Variants in POLD3 observed in about 807,000 individuals in gnomAD.
The protein encoded by POLD3 is DNA polymerase delta subunit 3.
In POLD3, 19 loss-of-function variants were observed where a neutral mutation model predicts 58.2. That is an observed-to-expected ratio of 0.33 (90% CI 0.23 to 0.48). The LOEUF (loss-of-function observed/expected upper bound fraction) is 0.48, where lower values mean the gene tolerates loss of function less well. Ranked by LOEUF, POLD3 falls within the 20% of genes least tolerant of loss-of-function variation. The probability of loss-of-function intolerance (pLI) is 0.99; values close to 1 mark genes in which losing one functional copy is unlikely to be tolerated. For missense variants in POLD3, 504 were observed against 545.5 expected (o/e 0.92, Z 0.76); for synonymous variants, 172 against 193.5 (o/e 0.89, Z 0.92).
chr11:74,627,702 T>C (rs1324659822), intron 8 of POLD3, among the ~76,000 whole-genome samples: 3 of 152,176 alleles, frequency 2.0e-5, no homozygotes, highest in Non-Finnish European at 4.4e-5. Context: ...TTTTAGATGT[T>C]TAAATACACA....
In POLD3 at chr11:74,642,749, T is replaced by A; in HGVS notation, c.*1983T>A. ...ACAGTGCTTCAAACTGAGTATCTGA[T>A]GAGTCTCTTATTTGATGGATGGTAA... is the stretch of plus-strand genomic sequence containing the variant. On this transcript the variant is annotated 3_prime_UTR_variant, in exon 12 of 12. Transcript: ENST00000263681. 1 of 984,412 alleles carries A rather than the reference T, an allele frequency of 1.0e-6. No individual in the cohort carries two copies. Among genetic ancestry groups the A allele is most frequent in the Non-Finnish European group, 1.2e-6 (1 of 828,998 alleles). The allele number at this position is 984,412 out of a possible 1,614,324, so 61.0% of individuals were successfully genotyped here.
At chr11:74,646,117 C>T (rs574773092), downstream of POLD3, among the ~76,000 whole-genome samples, 11 of 152,078 alleles carry the variant, frequency 7.2e-5, no homozygotes, top group East Asian at 1.2e-3. Context: ...GGACTACAGG[C>T]GCATGCCACC....
rs554723876 is a variant in POLD3 at position 74,666,570 on chromosome 11, GAGAA to G, written c.370-2203_370-2200del. 4.1e-4 allele frequency among the ~76,000 whole-genome samples: 62 copies of G among 152,188 alleles called. 1 individual carries two copies. In the South Asian group the frequency reaches 6.0e-3, roughly 15 times the overall value. On this transcript the variant is annotated intron_variant, in intron 4 of 4. Coordinates refer to the POLD3 transcript ENST00000524752. ...CAGGAAGTGGAGAGAGAGAGAGAGA[GAGAA>G]AGAGGACCTAAATAAATGGAAACAC... is the stretch of plus-strand genomic sequence containing the variant.
intron 4 of POLD3, among the ~76,000 whole-genome samples, chr11:74,655,867 A>G (rs1172769757): frequency 6.6e-6 from 1 of 152,202 alleles, no homozygotes; most frequent in Non-Finnish European, 1.5e-5. Context: ...AAATGCAATA[A>G]GATGAGAAAA....
intron 9 of POLD3, among the ~76,000 whole-genome samples, chr11:74,629,565 T>G (rs1365210736): frequency 1.3e-5 from 2 of 151,362 alleles, no homozygotes; most frequent in Non-Finnish European, 2.9e-5. Context: ...ACATATTATC[T>G]AAGACTTTTT....
At chr11:74,599,860 C>G (rs781398856) in intron 2 of POLD3, among the ~76,000 whole-genome samples, 1 of 151,942 alleles carries the variant, frequency 6.6e-6, no homozygotes, top group Non-Finnish European at 1.5e-5. Context: ...TGGAACTGAT[C>G]AGGAGGGAAG....
At chr11:74,629,601 TTTTAAGGGGAGGATATTCC>T (rs1290467202) in intron 9 of POLD3, among the ~76,000 whole-genome samples, 2 of 149,148 alleles carry the variant, frequency 1.3e-5, no homozygotes, top group Admixed American at 6.7e-5. Context: ...TTTTTTTTAC[TTTTAAGGGGAGGATATTCC>T]TTTAGCTACC....
intron 3 of POLD3, among the ~76,000 whole-genome samples, chr11:74,607,235 TATTA>T (rs1162249896): frequency 0.013 from 1,224 of 96,738 alleles, 16 homozygotes; most frequent in African/African-American, 0.069. Flanking sequence ...AATTTATTAT[TATTA>T]TTATATATTT....
At chr11:74,624,073 T>C (rs2032352730) in intron 7 of POLD3, among the ~76,000 whole-genome samples, 1 of 152,236 alleles carries the variant, frequency 6.6e-6, no homozygotes, top group East Asian at 1.9e-4. Flanking sequence ...GAGGTTTTTT[T>C]CTCCTAATGA....
intron 4 of POLD3, among the ~76,000 whole-genome samples, chr11:74,658,971 G>A (rs1446459021): frequency 6.6e-6 from 1 of 152,176 alleles, no homozygotes; most frequent in Non-Finnish European, 1.5e-5. Context: ...CCCCAGTAGG[G>A]ATCCTATGTG....
At chr11:74,668,144 G>A (rs1299392618) in intron 4 of POLD3, among the ~76,000 whole-genome samples, 1 of 152,186 alleles carries the variant, frequency 6.6e-6, no homozygotes, top group Admixed American at 6.5e-5. Flanking sequence ...ATAAAATGGT[G>A]CAGGCACTTT....
intron 9 of POLD3, among the ~76,000 whole-genome samples, chr11:74,633,427 T>C (rs776030833): frequency 2.0e-5 from 3 of 152,226 alleles, no homozygotes; most frequent in Non-Finnish European, 4.4e-5. Flanking sequence ...TCTTTCTGGC[T>C]CTTGTTCTGC....
intron 9 of POLD3, among the ~76,000 whole-genome samples, chr11:74,632,800 T>C (rs1216593527): frequency 6.6e-6 from 1 of 151,938 alleles, no homozygotes; most frequent in Non-Finnish European, 1.5e-5. Flanking sequence ...GAGAGATATA[T>C]GTTGTCTTCC....
At chr11:74,596,021 T>G (rs957086417) in intron 2 of POLD3, among the ~76,000 whole-genome samples, 3 of 122,190 alleles carry the variant, frequency 2.5e-5, no homozygotes, top group African/African-American at 6.7e-5. Flanking sequence ...TTAAATTTTT[T>G]TTAATCTTAT....
chr11:74,636,178 G>A lies in POLD3; in HGVS notation c.1120-19G>A, dbSNP rs202217782. 6.5e-5 allele frequency: 105 copies of A among 1,604,456 alleles called. No homozygotes were observed. Among genetic ancestry groups the A allele is most frequent in the Non-Finnish European group, 1.6e-5 (19 of 1,172,280 alleles). On this transcript the variant is annotated intron_variant, in intron 10 of 11. Transcript: ENST00000263681. Reference sequence around the variant, plus strand: ...AACATAATTGATCCAGCTTAACATTGTATCCTCTGACCTTTTAGAGCTCAA... The same window carrying A: ...AACATAATTGATCCAGCTTAACATTATATCCTCTGACCTTTTAGAGCTCAA...
Position 74,625,537 on chromosome 11 carries a change from C to T in POLD3, c.863C>T (p.Ala288Val). Residue 288 changes from alanine to valine, a missense_variant, in exon 8 of 12, where the codon GCA becomes GTA. By Grantham distance (64) the Ala-to-Val change is moderately conservative (BLOSUM62 0). Transcript: ENST00000263681. ...PAGLKKSSKK[A>V]EPVKVLQKEK... Reference sequence around the variant, plus strand: ...GGCCTGAAAAAATCCAGCAAAAAAGCAGAGCCTGTTAAGGTGCTGCAGAAG... The same window carrying T: ...GGCCTGAAAAAATCCAGCAAAAAAGTAGAGCCTGTTAAGGTGCTGCAGAAG... 1 of 1,612,788 alleles carries T rather than the reference C, an allele frequency of 6.2e-7. No individual in the cohort carries two copies. Among genetic ancestry groups the T allele is most frequent in the South Asian group, 1.1e-5 (1 of 90,890 alleles).
rs947101552 is a variant in POLD3 at position 74,640,549 on chromosome 11, T to G, written c.1199-15T>G. On this transcript the variant is annotated splice_polypyrimidine_tract_variant and intron_variant, in intron 11 of 11. Transcript: ENST00000263681. The stretch of plus-strand genomic sequence containing the variant: ...TTCAGCCCACCCATGTTCCATTTTT[T>G]TCTCATCCTACCAGTGACTGAAAAA... 3.4e-6 allele frequency: 5 copies of G among 1,480,678 alleles called. No homozygotes were observed. The highest frequency in any genetic ancestry group is 4.5e-6 in the Non-Finnish European group (5 of 1,114,774). The allele number at this position is 1,480,678 out of a possible 1,614,324, so 91.7% of individuals were successfully genotyped here. A position where few individuals can be genotyped will look rare whatever the true frequency, so the allele number is the denominator to read the frequency against.
intron 2 of POLD3, among the ~76,000 whole-genome samples, chr11:74,598,653 T>C (rs998379558): frequency 6.6e-6 from 1 of 152,166 alleles, no homozygotes; most frequent in Non-Finnish European, 1.5e-5. Context: ...ATTCTGGCCA[T>C]CTGTTGGGCC....
At chr11:74,607,477 A>G (rs1404987808) in intron 3 of POLD3, among the ~76,000 whole-genome samples, 1 of 150,824 alleles carries the variant, frequency 6.6e-6, no homozygotes, top group Non-Finnish European at 1.5e-5. Flanking sequence ...CATATTAGCC[A>G]GGATGGTCTC....
Sources: allele counts gnomAD v4.1 joint callset (sites outside exome capture counted in the v4.1 genomes callset), GRCh38; gene constraint gnomAD v4.1.1; transcripts MANE v1.5; gene names NCBI Gene and HGNC (gene_info 2026-07-23, HGNC 2026-07-21).